TENM4: variants seen among roughly 807,000 people sequenced by gnomAD.
TENM4 encodes teneurin-4.
A neutral mutation model predicts 243.3 loss-of-function variants in TENM4; 82 were observed. The ratio of observed to expected loss-of-function variants is 0.34; its 90% CI spans 0.28 to 0.40. The LOEUF is 0.40. TENM4 is among the 10% of genes least tolerant of loss of function. The pLI, the probability that TENM4 is intolerant of heterozygous loss-of-function variation, is 1.00. For missense variants in TENM4, 3,138 were observed against 3,673.3 expected (o/e 0.85, Z 3.77); for synonymous variants, 1,412 against 1,456.3 (o/e 0.97, Z 0.69).
intron 1 of TENM4, among the ~76,000 whole-genome samples, chr11:79,343,960 C>T (rs1330941566): frequency 6.6e-6 from 1 of 152,208 alleles, no homozygotes; most frequent in Admixed American, 6.5e-5. Flanking sequence ...TTGGAAATCC[C>T]AGATACTTCC....
intron 15 of TENM4, among the ~76,000 whole-genome samples, chr11:78,804,182 G>A (rs1857342076): frequency 6.6e-6 from 1 of 152,200 alleles, no homozygotes; most frequent in Admixed American, 6.5e-5. Context: ...AGCTGGAGAT[G>A]CTATCACTTT....
chr11:78,938,017 C>A lies in TENM4; in HGVS notation c.494-34494G>T, dbSNP rs1334604757. Among the ~76,000 whole-genome samples, 12 of 152,182 alleles carry A rather than the reference C, an allele frequency of 7.9e-5. No individual in the cohort carries two copies. In the East Asian group the frequency reaches 2.1e-3, roughly 27 times the overall value. On this transcript the variant is annotated intron_variant, in intron 6 of 33. Coordinates refer to ENST00000278550, the MANE Select transcript of TENM4 (RefSeq NM_001098816.3). ...TTTCCCACCGAGGTTATTTTAACAA[C>A]CCCCAGGCTCACTTCTCTATAATCA...
rs148500663 is a variant in TENM4 at position 79,094,795 on chromosome 11, A to G, written c.-65-24786T>C. Among the ~76,000 whole-genome samples the G allele has an allele frequency of 2.4e-3, 369 of 152,230 alleles. 2 individuals carry two copies. Among genetic ancestry groups the G allele is most frequent in the African/African-American group, 8.3e-3 (347 of 41,570 alleles). ...CAGTGGGGGAGGAGCTCCTACTGCA[A>G]GAAGATCAAGGTGCTAGGGCTCTCC... On this transcript the variant is annotated intron_variant, in intron 4 of 33. Transcript: ENST00000278550.
chr11:78,876,439 C>T (rs530139510), intron 9 of TENM4, among the ~76,000 whole-genome samples: 2 of 152,302 alleles, frequency 1.3e-5, no homozygotes, highest in African/African-American at 4.8e-5. Context: ...GCAGAAATAT[C>T]CAACATTCCT....
At chr11:78,866,357 T>A (rs1028345166) in intron 9 of TENM4, among the ~76,000 whole-genome samples, 34 of 151,542 alleles carry the variant, frequency 2.2e-4, no homozygotes, top group African/African-American at 7.8e-4. Context: ...GAGAATTAAC[T>A]AATCCCAGAA....
At chr11:78,880,651 T>G (rs1372884122) in intron 9 of TENM4, among the ~76,000 whole-genome samples, 1 of 152,156 alleles carries the variant, frequency 6.6e-6, no homozygotes, top group Non-Finnish European at 1.5e-5. Flanking sequence ...CTATGAGCCA[T>G]GATATGGAGG....
At chr11:79,352,988 C>A (rs145521976) in intron 1 of TENM4, among the ~76,000 whole-genome samples, 1 of 152,086 alleles carries the variant, frequency 6.6e-6, no homozygotes. Flanking sequence ...CACAGGCAGA[C>A]GGATACCCTC....
At chr11:79,275,476 C>A (rs760821876) in intron 2 of TENM4, among the ~76,000 whole-genome samples, 5 of 152,236 alleles carry the variant, frequency 3.3e-5, no homozygotes, top group Non-Finnish European at 5.9e-5. Flanking sequence ...GACACTGCTG[C>A]CCTGCGGCCT....
intron 6 of TENM4, 36 bp from the exon 7 acceptor site, chr11:78,903,559 T>C (rs1487981957): frequency 6.5e-7 from 1 of 1,541,250 alleles, no homozygotes; most frequent in Non-Finnish European, 8.7e-7. Context: ...GGCGGTGAGC[T>C]TGGTGCTGCC....
Position 79,334,756 on chromosome 11 carries a change from C to T in TENM4, c.-320-37213G>A, listed in dbSNP as rs191074846. Among the ~76,000 whole-genome samples the T allele has an allele frequency of 5.0e-4, 76 of 152,278 alleles. No homozygotes were observed. In the South Asian group the frequency reaches 8.7e-3, roughly 17 times the overall value. ...TATGATCTTGAACAATCACAATGAA[C>T]GTTAGCATGTTGCATATGACTGAGA... On this transcript the variant is annotated intron_variant, in intron 1 of 33. Coordinates refer to ENST00000278550, the MANE Select transcript of TENM4 (RefSeq NM_001098816.3).
At chr11:79,338,658 A>T (rs1043309559) in intron 1 of TENM4, among the ~76,000 whole-genome samples, 3 of 152,238 alleles carry the variant, frequency 2.0e-5, no homozygotes, top group African/African-American at 4.8e-5. Context: ...TAGAGTATGG[A>T]ATGAAAAATG....
chr11:78,835,766 T>C (rs1258176101), intron 12 of TENM4, among the ~76,000 whole-genome samples: 1 of 152,200 alleles, frequency 6.6e-6, no homozygotes, highest in African/African-American at 2.4e-5. Flanking sequence ...CCAATTAGGT[T>C]AGCACCCCTT....
At chr11:79,015,021 G>A (rs906276799) in intron 6 of TENM4, among the ~76,000 whole-genome samples, 3 of 152,232 alleles carry the variant, frequency 2.0e-5, no homozygotes, top group Non-Finnish European at 4.4e-5. Context: ...GGCCCTGGCA[G>A]AGGGGCACAG....
At chr11:78,660,167 G>A (rs537984292) in intron 33 of TENM4, among the ~76,000 whole-genome samples, 483 of 152,288 alleles carry the variant, frequency 3.2e-3, no homozygotes, top group Non-Finnish European at 4.7e-3. Flanking sequence ...ATATCTGGGC[G>A]GGGCCTGGAG....
chr11:78,818,595 A>G (rs1391741786), intron 12 of TENM4, among the ~76,000 whole-genome samples: 4 of 152,244 alleles, frequency 2.6e-5, no homozygotes, highest in Non-Finnish European at 4.4e-5. Context: ...AGGGATTTCA[A>G]CAACTTGAGG....
intron 2 of TENM4, among the ~76,000 whole-genome samples, chr11:79,261,857 A>T (rs890071993): frequency 2.6e-5 from 4 of 152,162 alleles, no homozygotes; most frequent in Admixed American, 2.0e-4. Flanking sequence ...CCCTCCAAAG[A>T]AAGATGTTAT....
At chr11:78,711,606 A>AG (rs1180829088) in intron 26 of TENM4, among the ~76,000 whole-genome samples, 7 of 152,202 alleles carry the variant, frequency 4.6e-5, no homozygotes, top group Non-Finnish European at 1.0e-4. Context: ...TAAACCTAGG[A>AG]GGTAGACACG....
At chr11:78,992,445 C>G (rs954269305) in intron 6 of TENM4, among the ~76,000 whole-genome samples, 3 of 152,226 alleles carry the variant, frequency 2.0e-5, no homozygotes, top group African/African-American at 7.2e-5. Flanking sequence ...TCTCTGATTA[C>G]ACTGTGCATT....
At chr11:79,109,164 G>T (rs1279684199) in intron 4 of TENM4, among the ~76,000 whole-genome samples, 1 of 152,210 alleles carries the variant, frequency 6.6e-6, no homozygotes, top group Non-Finnish European at 1.5e-5. Flanking sequence ...CAAGGTGCCA[G>T]CTACCTTTCC....
Sources: gnomAD v4.1 joint callset for allele counts (sites outside exome capture counted in the v4.1 genomes callset) on GRCh38, gnomAD v4.1.1 for gene constraint, MANE v1.5 for transcripts, NCBI Gene and HGNC (gene_info 2026-07-23, HGNC 2026-07-21) for gene names.